The following MARCHF1 variants were observed in gnomAD, a reference collection of about 807,000 sequenced individuals.
MARCHF1 encodes the protein membrane associated ring-CH-type finger 1.
In MARCHF1, 40 loss-of-function variants were observed where a neutral mutation model predicts 54.2. That is an observed-to-expected ratio of 0.74 (90% CI 0.57 to 0.96). The LOEUF (loss-of-function observed/expected upper bound fraction) is 0.96, where lower values mean the gene tolerates loss of function less well. MARCHF1 is among the 40% of genes least tolerant of loss of function. The pLI is 0.00. For synonymous variants in MARCHF1, 236 were observed against 236.3 expected (o/e 1.00, Z 0.01); for missense variants, 586 against 656.5 (o/e 0.89, Z 1.17).
At chr4:163,746,461 A>G (rs1234662106) in intron 4 of MARCHF1, among the ~76,000 whole-genome samples, 4 of 152,168 alleles carry the variant, frequency 2.6e-5, no homozygotes, top group African/African-American at 4.8e-5. Flanking sequence ...TAAAGCTGAC[A>G]CAAACATTTA....
rs185152471 is a variant in MARCHF1, at chr4:163,900,503, T to C, written c.-38-46334A>G. On this transcript the variant is annotated intron_variant, in intron 3 of 9. Transcript: ENST00000514618. ...GGACTTGTTCTGTAGTTGAGTTGGA[T>C]AATAAGTCTAAGAAGGTAAATGGCA... is the stretch of plus-strand genomic sequence containing the variant. Among the ~76,000 whole-genome samples, 28 of 152,302 alleles carry C rather than the reference T, an allele frequency of 1.8e-4. No individual in the cohort carries two copies. The East Asian group carries it at 5.2e-3, about 28-fold the overall frequency.
chr4:164,097,312 G>A (rs529487898), intron 2 of MARCHF1, among the ~76,000 whole-genome samples: 2 of 152,218 alleles, frequency 1.3e-5, no homozygotes, highest in East Asian at 1.9e-4. Context: ...TTCAGATGAC[G>A]TCACTAATCT....
At chr4:164,252,858 G>C (rs764764487) in intron 1 of MARCHF1, among the ~76,000 whole-genome samples, 1 of 152,092 alleles carries the variant, frequency 6.6e-6, no homozygotes, top group Non-Finnish European at 1.5e-5. Context: ...TATAGATTCG[G>C]AAGTTCTAAG....
At chr4:163,922,165 T>C (rs1272697126) in intron 3 of MARCHF1, among the ~76,000 whole-genome samples, 1 of 99,964 alleles carries the variant, frequency 1.0e-5, no homozygotes, top group Non-Finnish European at 1.9e-5. Context: ...AATTGAACAA[T>C]GGGAACACAT....
rs573399463 is a variant in MARCHF1 at position 164,295,969 on chromosome 4, A to G, written c.-323+87901T>C. Among the ~76,000 whole-genome samples, 27 of 152,300 alleles carry G rather than the reference A, an allele frequency of 1.8e-4. No individual in the cohort carries two copies. In the East Asian group the frequency reaches 5.0e-3, roughly 28 times the overall value. ...ATCTAAAAGCAAAAACAACAATAAT[A>G]CACACACACGCAAACCATCAATTAA... On this transcript the variant is annotated intron_variant, in intron 1 of 9. Coordinates refer to ENST00000514618, the MANE Select transcript of MARCHF1 (RefSeq NM_001394959.1).
intron 1 of MARCHF1, among the ~76,000 whole-genome samples, chr4:164,272,185 C>T (rs927656100): frequency 2.6e-5 from 4 of 151,866 alleles, no homozygotes; most frequent in African/African-American, 9.7e-5. Context: ...AAAGTATAAA[C>T]TGATACAGCT....
At chr4:163,852,707 T>G (rs1240030551) in intron 4 of MARCHF1, among the ~76,000 whole-genome samples, 2 of 152,284 alleles carry the variant, frequency 1.3e-5, no homozygotes, top group East Asian at 3.9e-4. Flanking sequence ...CTTTCTATGT[T>G]TTATCAAGTG....
At chr4:164,360,607 A>C (rs1469178505) in intron 1 of MARCHF1, among the ~76,000 whole-genome samples, 1 of 152,128 alleles carries the variant, frequency 6.6e-6, no homozygotes, top group Non-Finnish European at 1.5e-5. Flanking sequence ...TTTCAGCCCC[A>C]CCCAAAGAGT....
intron 4 of MARCHF1, among the ~76,000 whole-genome samples, chr4:163,802,517 C>T (rs1273963224): frequency 3.3e-5 from 5 of 152,122 alleles, no homozygotes; most frequent in East Asian, 1.9e-4. Context: ...TAACCATTCC[C>T]TTTTTAATCC....
At chr4:163,586,012 G>A (rs978028843) in intron 7 of MARCHF1, 83 bp from the exon 8 acceptor site, 1 of 1,266,158 alleles carries the variant, frequency 7.9e-7, no homozygotes, top group African/African-American at 1.5e-5. Flanking sequence ...CTTATACTAG[G>A]GCTATTATAA....
intron 2 of MARCHF1, among the ~76,000 whole-genome samples, chr4:164,091,410 T>TTATATATATATATATATATA (rs1553980469): frequency 3.5e-4 from 48 of 136,908 alleles, no homozygotes; most frequent in African/African-American, 1.1e-3. Flanking sequence ...TCACCAAGTT[T>TTATATATATATATATATATA]TATATATATA....
At position 164,176,972 on chromosome 4, in the gene MARCHF1, CTCTCTCTCTA is replaced by C. The variant is rs1265770223; in HGVS notation, c.-322-65320_-322-65311del. On this transcript the variant is annotated intron_variant, in intron 1 of 9. Coordinates refer to ENST00000514618, the MANE Select transcript of MARCHF1 (RefSeq NM_001394959.1). Reference sequence around the variant, plus strand: ...TCTCTCTCTCTCTCTCTCTCTCTCTCTCTCTCTCTATATATATATATATATATATATATAT... The same window carrying C: ...TCTCTCTCTCTCTCTCTCTCTCTCTCTATATATATATATATATATATATAT... Among the ~76,000 whole-genome samples the C allele has an allele frequency of 3.2e-3, 180 of 56,770 alleles. 1 individual carries two copies. Among genetic ancestry groups the C allele is most frequent in the Middle Eastern group, 7.7e-3 (1 of 130 alleles). The allele number at this position is 56,770 out of a possible 152,430, so 37.2% of individuals were successfully genotyped here. A position where few individuals can be genotyped will look rare whatever the true frequency, so the allele number is the denominator to read the frequency against.
At chr4:164,121,620 C>A (rs115141770) in intron 1 of MARCHF1, among the ~76,000 whole-genome samples, 3 of 152,114 alleles carry the variant, frequency 2.0e-5, no homozygotes, top group African/African-American at 7.2e-5. Flanking sequence ...TTATGGGAAG[C>A]ACAATTAAAG....
intron 3 of MARCHF1, among the ~76,000 whole-genome samples, chr4:163,923,354 TGTAA>T (rs1322519609): frequency 2.6e-5 from 4 of 152,140 alleles, no homozygotes; most frequent in South Asian, 2.1e-4. Context: ...TTCAGTTCCC[TGTAA>T]GTATTTCTTC....
At chr4:164,021,726 G>C (rs1041130168) in intron 2 of MARCHF1, among the ~76,000 whole-genome samples, 1 of 151,776 alleles carries the variant, frequency 6.6e-6, no homozygotes, top group Non-Finnish European at 1.5e-5. Context: ...GCTTAGTGGC[G>C]GATGCCTGCA....
At chr4:163,757,485 T>C (rs1746710136) in intron 4 of MARCHF1, among the ~76,000 whole-genome samples, 1 of 152,216 alleles carries the variant, frequency 6.6e-6, no homozygotes, top group South Asian at 2.1e-4. Context: ...TTTGAGTCTG[T>C]AATAATGATG....
chr4:164,069,819 G>T (rs1443411921), intron 2 of MARCHF1, among the ~76,000 whole-genome samples: 1 of 152,172 alleles, frequency 6.6e-6, no homozygotes, highest in African/African-American at 2.4e-5. Context: ...GAACTTGTAT[G>T]TTTATCACCA....
intron 5 of MARCHF1, among the ~76,000 whole-genome samples, chr4:163,690,161 GTTTGA>G (rs1744401359): frequency 1.3e-5 from 2 of 152,192 alleles, no homozygotes; most frequent in South Asian, 4.1e-4. Context: ...GTCCCATTGT[GTTTGA>G]TTTGTGAGCC....
chr4:164,020,419 T>A (rs958772322), intron 2 of MARCHF1, among the ~76,000 whole-genome samples: 1 of 152,190 alleles, frequency 6.6e-6, no homozygotes, highest in Non-Finnish European at 1.5e-5. Context: ...CCAAATCAAG[T>A]TGCTATTGGA....
Sources: gnomAD v4.1 joint callset for allele counts (sites outside exome capture counted in the v4.1 genomes callset) on GRCh38, gnomAD v4.1.1 for gene constraint, MANE v1.5 for transcripts, NCBI Gene and HGNC (gene_info 2026-07-23, HGNC 2026-07-21) for gene names.